The following TTLL5 variants were observed in gnomAD, a reference collection of about 807,000 sequenced individuals.
TTLL5 encodes tubulin polyglutamylase TTLL5.
A neutral mutation model predicts 168.4 loss-of-function variants in TTLL5; 132 were observed. The observed-to-expected ratio is 0.78, with a 90% CI of 0.68 to 0.91. The LOEUF is 0.91. TTLL5 is among the 40% of genes least tolerant of loss of function. The pLI is 0.00. For synonymous variants in TTLL5, 546 were observed against 558.6 expected, an observed-to-expected ratio of 0.98 and a Z score of 0.32; for missense variants, 1,545 against 1,581.5, an observed-to-expected ratio of 0.98 and a Z score of 0.39.
chr14:75,824,194 T>G (rs1039306028), intron 28 of TTLL5, among the ~76,000 whole-genome samples: 1 of 152,154 alleles, frequency 6.6e-6, no homozygotes, highest in African/African-American at 2.4e-5. Context: ...ATCTCAAAAT[T>G]TACTCTCTAG....
At chr14:75,892,473 G>T (rs969195123) in intron 30 of TTLL5, among the ~76,000 whole-genome samples, 8 of 152,158 alleles carry the variant, frequency 5.3e-5, no homozygotes, top group African/African-American at 1.9e-4. Context: ...GAAAATAATT[G>T]ATTTTCAACC....
intron 10 of TTLL5, among the ~76,000 whole-genome samples, chr14:75,718,593 G>C (rs960686834): frequency 2.6e-5 from 4 of 152,048 alleles, no homozygotes; most frequent in African/African-American, 9.7e-5. Context: ...TTGTGAGTGG[G>C]TGATTTTTAT....
At chr14:75,703,663 C>T (rs754516313) in intron 7 of TTLL5, among the ~76,000 whole-genome samples, 1 of 152,192 alleles carries the variant, frequency 6.6e-6, no homozygotes, top group Non-Finnish European at 1.5e-5. Flanking sequence ...ATGGGAAATA[C>T]AGTATTGATA....
intron 6 of TTLL5, among the ~76,000 whole-genome samples, chr14:75,697,824 T>C (rs1885977915): frequency 6.6e-6 from 1 of 152,170 alleles, no homozygotes; most frequent in South Asian, 2.1e-4. Context: ...TAGGGAACTT[T>C]CTTAGGTTTA....
chr14:75,686,405 A>G (rs1250318205), intron 5 of TTLL5, among the ~76,000 whole-genome samples: 1 of 152,192 alleles, frequency 6.6e-6, no homozygotes, highest in East Asian at 1.9e-4. Context: ...TTACTGTAAT[A>G]GGATCATTAT....
chr14:75,773,957 AAGAGAGAGAGAGAG>A (rs1166420551), intron 21 of TTLL5, among the ~76,000 whole-genome samples: 71 of 43,346 alleles, frequency 1.6e-3, no homozygotes, highest in East Asian at 2.6e-3. Flanking sequence ...GAGAGAGAGA[AAGAGAGAGAGAGAG>A]AGAGAGAGAG....
At chr14:75,738,708 C>T (rs1428474707) in intron 15 of TTLL5, among the ~76,000 whole-genome samples, 3 of 152,160 alleles carry the variant, frequency 2.0e-5, no homozygotes, top group South Asian at 4.1e-4. Flanking sequence ...ATACCTGGAA[C>T]TAATGTACTG....
chr14:75,886,732 TG>T, intron 30 of TTLL5: 1 of 1,598,010 alleles, frequency 6.3e-7, no homozygotes, highest in Non-Finnish European at 8.5e-7. Flanking sequence ...CAAAACTATT[TG>T]TGGTATTTCT....
chr14:75,835,174 A>G (rs1895802440), intron 28 of TTLL5, among the ~76,000 whole-genome samples: 1 of 152,206 alleles, frequency 6.6e-6, no homozygotes, highest in Admixed American at 6.5e-5. Context: ...AGCAGTTGTC[A>G]TTCTTCATGT....
chr14:75,939,047 C>T (rs78513801), intron 31 of TTLL5, among the ~76,000 whole-genome samples: 3,092 of 152,236 alleles, frequency 0.02, 101 homozygotes, highest in African/African-American at 0.069. Context: ...AGTAACTTTG[C>T]GTTGGTTATT....
In TTLL5 at chr14:75,743,956, C is replaced by G. The variant is rs529325411; in HGVS notation, c.1282-1139C>G. ...TCATGACTTCATCTGACTTTAATTACCTTCCAAAAGTCCCATCTCCAAATG... is the reference window on the plus strand; with the variant it reads ...TCATGACTTCATCTGACTTTAATTAGCTTCCAAAAGTCCCATCTCCAAATG... On this transcript the variant is annotated intron_variant, in intron 15 of 31. Transcript: ENST00000298832. Among the ~76,000 whole-genome samples the G allele has an allele frequency of 7.2e-5, 11 of 152,234 alleles. No individual in the cohort carries two copies. The South Asian group carries it at 2.3e-3, about 32-fold the overall frequency.
At chr14:75,880,611 G>A (rs2031756193) in intron 29 of TTLL5, among the ~76,000 whole-genome samples, 1 of 152,170 alleles carries the variant, frequency 6.6e-6, no homozygotes, top group African/African-American at 2.4e-5. Flanking sequence ...ATGTAGTGGT[G>A]AAAATAGAAG....
At chr14:75,924,554 A>T (rs1326092036) in intron 31 of TTLL5, among the ~76,000 whole-genome samples, 1 of 151,796 alleles carries the variant, frequency 6.6e-6, no homozygotes. Flanking sequence ...AATCCATTTA[A>T]CCCTGAGTGG....
chr14:75,750,474 A>C (rs1395991861), intron 17 of TTLL5, among the ~76,000 whole-genome samples: 1 of 150,490 alleles, frequency 6.6e-6, no homozygotes, highest in Non-Finnish European at 1.5e-5. Flanking sequence ...CAGCAACTAG[A>C]TCTTCTTCCT....
chr14:75,715,125 G>A (rs1324283841), intron 9 of TTLL5, among the ~76,000 whole-genome samples: 1 of 151,894 alleles, frequency 6.6e-6, no homozygotes, highest in Admixed American at 6.6e-5. Flanking sequence ...TTTGTATGTG[G>A]CCAGTTTCCT....
chr14:75,798,434 T>C (rs2140361821), intron 27 of TTLL5, among the ~76,000 whole-genome samples: 1 of 152,124 alleles, frequency 6.6e-6, no homozygotes, highest in East Asian at 1.9e-4. Context: ...TCTTTTGTAT[T>C]GGGTTTTTTT....
At position 75,807,437 on chromosome 14, in the gene TTLL5, C is replaced by A. The variant is rs559583864; in HGVS notation, c.3172-12570C>A. On this transcript the variant is annotated intron_variant, in intron 27 of 31. Coordinates refer to ENST00000298832, the MANE Select transcript of TTLL5 (RefSeq NM_015072.5). ...ACCTCGGCTACAAAGTAAGAAAGAC[C>A]CTGTGTCAAAATTTTTTCATTGATA... 1.2e-4 allele frequency among the ~76,000 whole-genome samples: 19 copies of A among 152,270 alleles called. No homozygotes were observed. The South Asian group carries it at 3.9e-3, about 32-fold the overall frequency.
intron 31 of TTLL5, among the ~76,000 whole-genome samples, chr14:75,932,751 A>G (rs1270610678): frequency 6.6e-6 from 1 of 152,162 alleles, no homozygotes; most frequent in African/African-American, 2.4e-5. Context: ...TCATTTAGAA[A>G]TATTTTTAAT....
chr14:75,713,381 T>G (rs1477160269), intron 9 of TTLL5, among the ~76,000 whole-genome samples: 1 of 152,236 alleles, frequency 6.6e-6, no homozygotes, highest in African/African-American at 2.4e-5. Context: ...CTGTATTATC[T>G]ATCCTAGGTG....
Sources: gnomAD v4.1 joint callset for allele counts (sites outside exome capture counted in the v4.1 genomes callset) on GRCh38, gnomAD v4.1.1 for gene constraint, MANE v1.5 for transcripts, NCBI Gene and HGNC (gene_info 2026-07-23, HGNC 2026-07-21) for gene names.